The following SVEP1 variants were observed in gnomAD, a reference collection of about 807,000 sequenced individuals.
SVEP1 encodes the protein sushi, von Willebrand factor type A, EGF and pentraxin domain containing 1.
In SVEP1, 164 loss-of-function variants were observed where a neutral mutation model predicts 367.3. That is an observed-to-expected ratio of 0.45 (90% CI 0.39 to 0.51). The LOEUF (loss-of-function observed/expected upper bound fraction) is 0.51. Among genes scored for constraint, SVEP1 ranks in the 20% least tolerant of loss-of-function variants. SVEP1 has a pLI of 0.00. For missense variants in SVEP1, 4,117 were observed against 4,425.3 expected (o/e 0.93, Z 1.98); for synonymous variants, 1,666 against 1,611.6 (o/e 1.03, Z -0.81).
intron 39 of SVEP1, among the ~76,000 whole-genome samples, chr9:110,403,366 G>A (rs1489187956): frequency 7.0e-6 from 1 of 142,576 alleles, no homozygotes; most frequent in African/African-American, 2.7e-5. Flanking sequence ...GTGCAGTGGC[G>A]CAATCTCGGT....
chr9:110,562,864 GT>G (rs1830448922), intron 1 of SVEP1, among the ~76,000 whole-genome samples: 1 of 152,034 alleles, frequency 6.6e-6, no homozygotes, highest in South Asian at 2.1e-4. Context: ...CAATTTTTTT[GT>G]ATTTTTAGTA....
At chr9:110,480,263 C>G (rs886710857) in intron 12 of SVEP1, among the ~76,000 whole-genome samples, 1 of 152,138 alleles carries the variant, frequency 6.6e-6, no homozygotes, top group Non-Finnish European at 1.5e-5. Context: ...CAAAATGCCC[C>G]TGAAGAATTC....
chr9:110,372,917 A>G (rs1052242797), intron 46 of SVEP1, among the ~76,000 whole-genome samples: 1 of 152,200 alleles, frequency 6.6e-6, no homozygotes, highest in African/African-American at 2.4e-5. Context: ...CCTCTTAAAC[A>G]TGGCAAAGAC....
At position 110,406,191 on chromosome 9, in the gene SVEP1, C is replaced by A. The variant is rs1242609556; in HGVS notation, c.9409G>T (p.Ala3137Ser). The change falls in exon 38 of 48, where the codon GCA becomes TCA. Residue 3137 changes from alanine to serine, a missense_variant. Coordinates refer to ENST00000374469, the MANE Select transcript of SVEP1 (RefSeq NM_153366.4). ...SVANAVATGE[A>S]HTYESEVKLR... ...TTCACTTCACTTTCATAGGTGTGTG[C>A]CTCTCCAGTTGCCACTGCATTGGCG... 1 of 1,598,278 alleles carries A rather than the reference C, an allele frequency of 6.3e-7. No homozygotes were observed. Among genetic ancestry groups the A allele is most frequent in the South Asian group, 1.1e-5 (1 of 88,178 alleles).
At chr9:110,459,755 C>T (rs1297123644) in intron 18 of SVEP1, among the ~76,000 whole-genome samples, 1 of 152,068 alleles carries the variant, frequency 6.6e-6, no homozygotes, top group African/African-American at 2.4e-5. Flanking sequence ...ACTCTTTTCA[C>T]TACATGCTCT....
intron 8 of SVEP1, among the ~76,000 whole-genome samples, chr9:110,490,462 ATTCTC>A (rs1198134020): frequency 7.9e-5 from 12 of 152,066 alleles, no homozygotes; most frequent in Middle Eastern, 3.4e-3. Context: ...CTACCCACTA[ATTCTC>A]TTCTCTTATC....
Position 110,369,954 on chromosome 9 carries a change from G to A in SVEP1, c.10663C>T (p.Leu3555Phe), listed in dbSNP as rs1355002943. 1 of 1,613,314 alleles carries A rather than the reference G, an allele frequency of 6.2e-7. No individual in the cohort carries two copies. Among genetic ancestry groups the A allele is most frequent in the East Asian group, 2.2e-5 (1 of 44,858 alleles). ...KCVRPNRCHC[L>F]SSWTGHNCSR... is the part of the protein sequence containing the mutation. ...CAGTTATGTCCCGTCCAAGAAGAAA[G>A]ACAGTGACATCGGTTTGGTCTTACA... Residue 3555 changes from leucine (L) to phenylalanine (F), a missense_variant, in exon 47 of 48, where the codon CTT becomes TTT. Around this residue, in one of 4 missense-constraint regions of SVEP1, gnomAD observed 1,765 missense variants for 1,781.1 expected, o/e 0.99. Coordinates refer to ENST00000374469, the MANE Select transcript of SVEP1 (RefSeq NM_153366.4).
At position 110,378,800 on chromosome 9, in the gene SVEP1, T is replaced by C. The variant is rs868639776; in HGVS notation, c.10408+547A>G. The stretch of plus-strand genomic sequence containing the variant: ...GGCGGAGGGATAGCATTAGGAGATA[T>C]ACCTAATGTTAAATGACGAGTTAAT... On this transcript the variant is annotated intron_variant, in intron 44 of 47. Coordinates refer to ENST00000374469, the MANE Select transcript of SVEP1 (RefSeq NM_153366.4). 2.2e-4 allele frequency among the ~76,000 whole-genome samples: 33 copies of C among 150,672 alleles called. 1 individual carries two copies. Among genetic ancestry groups the C allele is most frequent in the Admixed American group, 1.2e-3 (18 of 15,102 alleles).
chr9:110,406,861 T>C lies in SVEP1; in HGVS notation c.8739A>G (p.Val2913=). 15 of 1,613,990 alleles carry C rather than the reference T, an allele frequency of 9.3e-6. No individual in the cohort carries two copies. Among genetic ancestry groups the C allele is most frequent in the Non-Finnish European group, 1.3e-5 (15 of 1,179,888 alleles). The change falls in exon 38 of 48, where the codon GTA becomes GTG. Residue 2913 remains valine (V), a synonymous_variant. Coordinates refer to ENST00000374469, the MANE Select transcript of SVEP1 (RefSeq NM_153366.4). ...EGLDYGFMKE[V]TFHCHEGYIL... Reference sequence around the variant, plus strand: ...TGTAGCCCTCGTGACAGTGGAATGTTACTTCCTTCATGAAGCCATAGTCCA... The same window carrying C: ...TGTAGCCCTCGTGACAGTGGAATGTCACTTCCTTCATGAAGCCATAGTCCA...
intron 8 of SVEP1, among the ~76,000 whole-genome samples, chr9:110,493,714 G>C (rs1056074527): frequency 2.0e-5 from 3 of 152,088 alleles, no homozygotes; most frequent in African/African-American, 7.2e-5. Flanking sequence ...CCTGGGGACA[G>C]AGCAAGACTC....
chr9:110,390,949 C>T (rs1406180814), intron 40 of SVEP1, among the ~76,000 whole-genome samples: 1 of 152,166 alleles, frequency 6.6e-6, no homozygotes, highest in Non-Finnish European at 1.5e-5. Context: ...CCACCCCTTC[C>T]ATGAACTCCT....
At chr9:110,445,786 TC>T (rs780193056) in intron 26 of SVEP1, 50 bp downstream of exon 26, 5 of 1,598,774 alleles carry the variant, frequency 3.1e-6, no homozygotes, top group Non-Finnish European at 4.3e-6. Context: ...CAGTTCTAAT[TC>T]GGTTCCAAGA....
chr9:110,499,273 T>C, intron 6 of SVEP1, 35 bp from the exon 7 acceptor site: 1 of 1,563,726 alleles, frequency 6.4e-7, no homozygotes, highest in Non-Finnish European at 8.7e-7. Flanking sequence ...GTTATTTGTG[T>C]TCCCACAAAT....
intron 1 of SVEP1, among the ~76,000 whole-genome samples, chr9:110,567,135 A>G (rs1830502417): frequency 6.6e-6 from 1 of 152,214 alleles, no homozygotes; most frequent in Admixed American, 6.5e-5. Flanking sequence ...TGCACTAAAG[A>G]TATATCCTTT....
intron 38 of SVEP1, among the ~76,000 whole-genome samples, chr9:110,405,068 C>T (rs778192550): frequency 1.3e-5 from 2 of 152,142 alleles, no homozygotes; most frequent in Non-Finnish European, 2.9e-5. Flanking sequence ...CAGATCAGTT[C>T]TCAGTTATCC....
In SVEP1 at chr9:110,512,948, G is replaced by A. The variant is rs753045028; in HGVS notation, c.1281C>T (p.Ser427=). The change falls in exon 5 of 48, where the codon TCC becomes TCT. Residue 427 remains serine (S), a synonymous_variant. Transcript: ENST00000374469. Reference sequence around the variant, plus strand: ...TACCTCTGCAGTAGCTCTCTGAACCGGACCACAAACCATTGGGTAGACATA... The same window carrying A: ...TACCTCTGCAGTAGCTCTCTGAACCAGACCACAAACCATTGGGTAGACATA... The part of the protein sequence containing the change: ...IILCLPNGLW[S]GSESYCRVRT... The A allele has an allele frequency of 8.1e-6, 13 of 1,613,894 alleles. No homozygotes were observed. Among genetic ancestry groups the A allele is most frequent in the Middle Eastern group, 3.3e-4 (2 of 6,062 alleles).
rs566034918 is a variant in SVEP1 at position 110,389,231 on chromosome 9, C to T, written c.9886+293G>A. Among the ~76,000 whole-genome samples the T allele has an allele frequency of 2.0e-5, 3 of 151,988 alleles. No homozygotes were observed. In the East Asian group the frequency reaches 5.8e-4, roughly 29 times the overall value. ...TAATTTATAATTATTTGAGAAAACC[C>T]CCCCAAAATGCTAATAAACTCAATA... On this transcript the variant is annotated intron_variant, in intron 41 of 47. Coordinates refer to ENST00000374469, the MANE Select transcript of SVEP1 (RefSeq NM_153366.4).
intron 39 of SVEP1, among the ~76,000 whole-genome samples, chr9:110,403,493 C>T (rs1433412234): frequency 7.3e-5 from 11 of 151,250 alleles, no homozygotes; most frequent in Non-Finnish European, 4.4e-5. Flanking sequence ...TTAGTAGAGA[C>T]GGGGTTTCAC....
chr9:110,562,295 T>G (rs1830442057), intron 1 of SVEP1, among the ~76,000 whole-genome samples: 1 of 152,134 alleles, frequency 6.6e-6, no homozygotes, highest in African/African-American at 2.4e-5. Flanking sequence ...CCTATCATTC[T>G]TAAACAAATG....
Sources: allele counts gnomAD v4.1 joint callset (sites outside exome capture counted in the v4.1 genomes callset), GRCh38; gene constraint gnomAD v4.1.1; regional missense constraint gnomAD v4.1.1; transcripts MANE v1.5; gene names NCBI Gene and HGNC (gene_info 2026-07-23, HGNC 2026-07-21).